ST6GALNAC3: variants seen among roughly 807,000 people sequenced by gnomAD.
ST6GALNAC3 encodes the protein ST6 N-acetylgalactosaminide alpha-2,6-sialyltransferase 3.
A neutral mutation model predicts 32.7 loss-of-function variants in ST6GALNAC3; 25 were observed. The observed-to-expected ratio is 0.76, with a 90% confidence interval of 0.56 to 1.07. The LOEUF (loss-of-function observed/expected upper bound fraction) is 1.07, where lower values mean the gene tolerates loss of function less well. ST6GALNAC3 is among the 50% of genes least tolerant of loss of function. The pLI is 0.00. For synonymous variants in ST6GALNAC3, 129 were observed against 133.1 expected (o/e 0.97, Z 0.21); for missense variants, 355 against 382.4 (o/e 0.93, Z 0.60).
intron 3 of ST6GALNAC3, among the ~76,000 whole-genome samples, chr1:76,569,876 A>G (rs1432273367): frequency 6.6e-6 from 1 of 152,114 alleles, no homozygotes; most frequent in Non-Finnish European, 1.5e-5. Flanking sequence ...TTTTTAAGCC[A>G]TGAAACTCCT....
At chr1:76,240,071 T>C (rs17098471) in intron 1 of ST6GALNAC3, among the ~76,000 whole-genome samples, 7,057 of 152,304 alleles carry the variant, frequency 0.046, 247 homozygotes, top group Middle Eastern at 0.1. Context: ...CCAAGAACTA[T>C]TACTAACTTA....
At chr1:76,435,851 CT>C (rs1278876933) in intron 3 of ST6GALNAC3, among the ~76,000 whole-genome samples, 3 of 120,118 alleles carry the variant, frequency 2.5e-5, no homozygotes, top group Non-Finnish European at 5.5e-5. Flanking sequence ...TCAATCTTTT[CT>C]TTTTTTATTT....
At chr1:76,549,407 AT>A (rs1167566808) in intron 3 of ST6GALNAC3, among the ~76,000 whole-genome samples, 14 of 151,618 alleles carry the variant, frequency 9.2e-5, no homozygotes, top group African/African-American at 3.4e-4. Flanking sequence ...ACAGGGCATT[AT>A]TTTGCAGGTT....
At chr1:76,289,372 A>G (rs1659949655) in intron 1 of ST6GALNAC3, among the ~76,000 whole-genome samples, 2 of 152,192 alleles carry the variant, frequency 1.3e-5, no homozygotes, top group Admixed American at 6.5e-5. Flanking sequence ...AACCTATGGT[A>G]TGTACTTAAC....
intron 2 of ST6GALNAC3, among the ~76,000 whole-genome samples, chr1:76,358,009 T>G (rs12756101): frequency 0.056 from 8,476 of 152,228 alleles, 370 homozygotes; most frequent in African/African-American, 0.12. Context: ...CCTTTTTCAT[T>G]ATTTTTATTA....
chr1:76,263,947 A>G (rs1333393257), intron 1 of ST6GALNAC3, among the ~76,000 whole-genome samples: 2 of 152,186 alleles, frequency 1.3e-5, no homozygotes, highest in Non-Finnish European at 2.9e-5. Context: ...CTGGATGGAC[A>G]AATCATATTT....
At chr1:76,487,698 G>A (rs1397157996) in intron 3 of ST6GALNAC3, among the ~76,000 whole-genome samples, 5 of 152,114 alleles carry the variant, frequency 3.3e-5, no homozygotes, top group Non-Finnish European at 2.9e-5. Flanking sequence ...GGAGAAGTTT[G>A]ATCATATGAA....
intron 1 of ST6GALNAC3, among the ~76,000 whole-genome samples, chr1:76,181,323 T>A (rs7528680): frequency 0.2 from 29,924 of 152,184 alleles, 3,068 homozygotes; most frequent in African/African-American, 0.22. Context: ...CCTGTGTGAC[T>A]TTTCTAGAAA....
chr1:76,130,293 G>C (rs545255324), intron 1 of ST6GALNAC3, among the ~76,000 whole-genome samples: 4 of 152,238 alleles, frequency 2.6e-5, no homozygotes, highest in Non-Finnish European at 5.9e-5. Flanking sequence ...GTAGCAAGGT[G>C]TGTGGGGTAG....
intron 3 of ST6GALNAC3, among the ~76,000 whole-genome samples, chr1:76,550,724 T>G (rs2100358309): frequency 6.6e-6 from 1 of 152,220 alleles, no homozygotes; most frequent in African/African-American, 2.4e-5. Context: ...TAACTTATAA[T>G]GGATAAAAAG....
At chr1:76,462,712 T>C (rs1007968065) in intron 3 of ST6GALNAC3, among the ~76,000 whole-genome samples, 3 of 151,904 alleles carry the variant, frequency 2.0e-5, no homozygotes, top group South Asian at 2.1e-4. Context: ...TTTAGGCACA[T>C]AGACACAGTA....
intron 3 of ST6GALNAC3, among the ~76,000 whole-genome samples, chr1:76,545,805 C>A (rs1664261958): frequency 6.9e-6 from 1 of 145,972 alleles, no homozygotes; most frequent in African/African-American, 2.4e-5. Flanking sequence ...TACAGGCATG[C>A]CCCCCCACAT....
chr1:76,144,075 C>T (rs919277698), intron 1 of ST6GALNAC3, among the ~76,000 whole-genome samples: 3 of 152,204 alleles, frequency 2.0e-5, no homozygotes, highest in South Asian at 2.1e-4. Flanking sequence ...TGGAAATGCT[C>T]AGTAAATGAA....
intron 1 of ST6GALNAC3, among the ~76,000 whole-genome samples, chr1:76,201,509 A>G (rs975614456): frequency 6.6e-6 from 1 of 152,214 alleles, no homozygotes; most frequent in Admixed American, 6.5e-5. Context: ...GCCAAACCAT[A>G]TCACGTTGGA....
chr1:76,531,496 A>AGG (rs1663253772), intron 3 of ST6GALNAC3, among the ~76,000 whole-genome samples: 1 of 152,186 alleles, frequency 6.6e-6, no homozygotes, highest in African/African-American at 2.4e-5. Flanking sequence ...GTTGTATGAC[A>AGG]AAGCTGCCAC....
chr1:76,274,319 A>C (rs1285879923), intron 1 of ST6GALNAC3, among the ~76,000 whole-genome samples: 3 of 152,164 alleles, frequency 2.0e-5, no homozygotes, highest in East Asian at 1.9e-4. Context: ...TTTTAAATAC[A>C]TACCTGCTGT....
intron 3 of ST6GALNAC3, among the ~76,000 whole-genome samples, chr1:76,503,833 C>T (rs765930): frequency 0.066 from 9,995 of 152,204 alleles, 1,094 homozygotes; most frequent in African/African-American, 0.23. Context: ...TCCCTGACTA[C>T]ATCTTGTTCA....
chr1:76,086,208 C>A (rs965143179), intron 1 of ST6GALNAC3, among the ~76,000 whole-genome samples: 1 of 152,204 alleles, frequency 6.6e-6, no homozygotes, highest in African/African-American at 2.4e-5. Flanking sequence ...CAGGAAACAG[C>A]TTTCACAGTT....
intron 1 of ST6GALNAC3, among the ~76,000 whole-genome samples, chr1:76,161,379 G>C (rs879400348): frequency 6.6e-6 from 1 of 152,342 alleles, no homozygotes; most frequent in African/African-American, 2.4e-5. Context: ...CGGAGGTACA[G>C]AACTGGTAAG....
Sources: allele counts gnomAD v4.1 joint callset (sites outside exome capture counted in the v4.1 genomes callset), GRCh38; gene constraint gnomAD v4.1.1; transcripts MANE v1.5; gene names NCBI Gene and HGNC (gene_info 2026-07-23, HGNC 2026-07-21).